Variants in SHISA9 observed in about 807,000 individuals in gnomAD.
The protein encoded by SHISA9 is shisa family member 9.
A neutral mutation model predicts 38.0 loss-of-function variants in SHISA9; 13 were observed. The observed-to-expected ratio is 0.34, with a 90% CI of 0.22 to 0.54. The LOEUF is 0.54. Among genes scored for constraint, SHISA9 ranks in the 20% least tolerant of loss-of-function variants. The pLI, the probability that SHISA9 is intolerant of heterozygous loss-of-function variation, is 0.91. For missense variants in SHISA9, 538 were observed against 575.8 expected (o/e 0.93, Z 0.67); for synonymous variants, 275 against 242.0 (o/e 1.14, Z -1.27).
chr16:13,196,718 G>T (rs1042943112), intron 2 of SHISA9, among the ~76,000 whole-genome samples: 4 of 152,202 alleles, frequency 2.6e-5, no homozygotes, highest in African/African-American at 9.7e-5. Context: ...TGGGTCTGGA[G>T]GATACAGGAA....
At position 13,190,309 on chromosome 16, in the gene SHISA9, C is replaced by G. The variant is rs557262465; in HGVS notation, c.692-13085C>G. On this transcript the variant is annotated intron_variant, in intron 2 of 4. Transcript: ENST00000558583. ...TGTGTTCTCATTGTTCAATTCCCAC[C>G]TATGAGTGAGAATATGCAAAACACC... is the stretch of plus-strand genomic sequence containing the variant. Among the ~76,000 whole-genome samples the G allele has an allele frequency of 7.4e-4, 112 of 151,350 alleles. 1 individual carries two copies. The highest frequency in any genetic ancestry group is 3.4e-3 in the Middle Eastern group (1 of 292).
the SHISA9 span, among the ~76,000 whole-genome samples, chr16:13,344,880 C>G: frequency 6.6e-6 from 1 of 152,104 alleles, no homozygotes; most frequent in Non-Finnish European, 1.5e-5. Context: ...AGGCATTAGT[C>G]CTCTTGGCTT....
chr16:13,542,753 A>G, the SHISA9 span, among the ~76,000 whole-genome samples: 1 of 152,186 alleles, frequency 6.6e-6, no homozygotes, highest in Non-Finnish European at 1.5e-5. Flanking sequence ...CTGAACTCAA[A>G]AGGGAGATTT....
chr16:13,330,140 G>C, the SHISA9 span, among the ~76,000 whole-genome samples: 2 of 152,210 alleles, frequency 1.3e-5, no homozygotes, highest in African/African-American at 4.8e-5. Context: ...GGCCATTCCA[G>C]TGGCACATTC....
rs543211636 is a variant in SHISA9, at chr16:13,001,176, C to T, written c.691+84361C>T. On this transcript the variant is annotated intron_variant, in intron 2 of 4. Coordinates refer to ENST00000558583, the MANE Select transcript of SHISA9 (RefSeq NM_001145204.3). ...CTCCTGACATCAGGTGATCTGCCCG[C>T]CTTGGCCTCCCAAAGTGCTGGGATT... 4.6e-5 allele frequency among the ~76,000 whole-genome samples: 7 copies of T among 152,366 alleles called. No individual in the cohort carries two copies. In the East Asian group the frequency reaches 1.2e-3, roughly 25 times the overall value.
the SHISA9 span, among the ~76,000 whole-genome samples, chr16:13,541,519 G>A: frequency 1.6e-4 from 24 of 152,096 alleles, no homozygotes; most frequent in African/African-American, 4.6e-4. Context: ...GTGGTCAGCC[G>A]GAATTTATTA....
the SHISA9 span, among the ~76,000 whole-genome samples, chr16:13,302,407 A>G: frequency 6.6e-6 from 1 of 152,190 alleles, no homozygotes; most frequent in Non-Finnish European, 1.5e-5. Context: ...TCTGAAAGGC[A>G]AACGATGCCA....
the SHISA9 span, among the ~76,000 whole-genome samples, chr16:13,246,160 G>C: frequency 2.6e-5 from 4 of 152,146 alleles, no homozygotes; most frequent in Non-Finnish European, 5.9e-5. Context: ...TTGAATTGTA[G>C]CTCCCGTAAT....
intron 2 of SHISA9, among the ~76,000 whole-genome samples, chr16:13,037,129 C>CACAG (rs1567190873): frequency 8.8e-5 from 13 of 147,760 alleles, no homozygotes; most frequent in Non-Finnish European, 1.4e-4. Context: ...CACACACACA[C>CACAG]ACACACACAC....
At chr16:13,475,289 C>A in the SHISA9 span, among the ~76,000 whole-genome samples, 1 of 150,906 alleles carries the variant, frequency 6.6e-6, no homozygotes, top group Non-Finnish European at 1.5e-5. Context: ...AAGGAATTAT[C>A]CCCATGTCAA....
intron 2 of SHISA9, among the ~76,000 whole-genome samples, chr16:13,145,086 C>G (rs1310063765): frequency 6.6e-6 from 1 of 152,192 alleles, no homozygotes; most frequent in African/African-American, 2.4e-5. Context: ...CCCATGTGTT[C>G]CTTGCCAGGT....
the SHISA9 span, among the ~76,000 whole-genome samples, chr16:13,474,623 T>TA: frequency 6.6e-6 from 1 of 152,018 alleles, no homozygotes; most frequent in African/African-American, 2.4e-5. Context: ...ATCAAACAAA[T>TA]AAATAAAATA....
At chr16:13,319,796 G>A in the SHISA9 span, among the ~76,000 whole-genome samples, 6 of 125,762 alleles carry the variant, frequency 4.8e-5, no homozygotes, top group Admixed American at 4.6e-4. Flanking sequence ...TGTGCACAGA[G>A]CTGTTAAAAA....
chr16:12,912,226 G>A (rs1345030555), intron 1 of SHISA9, among the ~76,000 whole-genome samples: 1 of 152,176 alleles, frequency 6.6e-6, no homozygotes, highest in Non-Finnish European at 1.5e-5. Flanking sequence ...TCCAGGAAAT[G>A]AAGGTCCCTA....
At chr16:13,462,130 G>A in the SHISA9 span, among the ~76,000 whole-genome samples, 1 of 151,990 alleles carries the variant, frequency 6.6e-6, no homozygotes, top group East Asian at 2.0e-4. Flanking sequence ...AAATAGCTGG[G>A]TATGGTGGCA....
intron 2 of SHISA9, among the ~76,000 whole-genome samples, chr16:13,150,030 TAAAAAAAAAAAA>T (rs35012437): frequency 1.5e-5 from 1 of 67,674 alleles, no homozygotes; most frequent in Admixed American, 2.2e-4. Flanking sequence ...TCCTCATCAT[TAAAAAAAAAAAA>T]AAAAAAAAAA....
At position 13,196,225 on chromosome 16, in the gene SHISA9, G is replaced by A. The variant is rs1197380125; in HGVS notation, c.692-7169G>A. On this transcript the variant is annotated intron_variant, in intron 2 of 4. Transcript: ENST00000558583. Reference sequence around the variant, plus strand: ...ATCCTGGCTAAGACGGTGAAACCCCGTCTCTACTAAAAATACAAAAAATTA... The same window carrying A: ...ATCCTGGCTAAGACGGTGAAACCCCATCTCTACTAAAAATACAAAAAATTA... Among the ~76,000 whole-genome samples the A allele has an allele frequency of 6.7e-5, 10 of 149,778 alleles. No homozygotes were observed. The South Asian group carries it at 1.1e-3, about 16-fold the overall frequency.
rs2071034352 is a variant in SHISA9, at chr16:12,902,637, C to G, written c.563+10C>G. The G allele has an allele frequency of 2.0e-6, 3 of 1,533,410 alleles. No individual in the cohort carries two copies. Among genetic ancestry groups the G allele is most frequent in the Non-Finnish European group, 2.6e-6 (3 of 1,138,134 alleles). 95.0% of individuals were successfully genotyped at this position (1,533,410 alleles called of 1,614,324 possible). Reference sequence around the variant, plus strand: ...GGGAGCACATGTCCAGGTGGGCTGCCTCCCCTTCGCCCTCCCCTCGGGGCT... The same window carrying G: ...GGGAGCACATGTCCAGGTGGGCTGCGTCCCCTTCGCCCTCCCCTCGGGGCT... On this transcript the variant is annotated intron_variant, in intron 1 of 4. Transcript: ENST00000558583.
chr16:12,924,401 C>G (rs1364373523), intron 2 of SHISA9, among the ~76,000 whole-genome samples: 1 of 152,188 alleles, frequency 6.6e-6, no homozygotes. Flanking sequence ...CAGTGAAACT[C>G]TAGGACTCTT....
Sources: gnomAD v4.1 joint callset for allele counts (sites outside exome capture counted in the v4.1 genomes callset) on GRCh38, gnomAD v4.1.1 for gene constraint, MANE v1.5 for transcripts, NCBI Gene and HGNC (gene_info 2026-07-23, HGNC 2026-07-21) for gene names.